The following COL5A3 variants were observed in gnomAD, a reference collection of about 807,000 sequenced individuals.
The protein encoded by COL5A3 is collagen type V alpha 3 chain.
COL5A3 carries 172 observed loss-of-function variants against 250.0 expected under a neutral mutation model. The observed-to-expected ratio is 0.69, with a 90% CI of 0.61 to 0.78. The LOEUF (loss-of-function observed/expected upper bound fraction) is 0.78. COL5A3 is among the 30% of genes least tolerant of loss of function. COL5A3 has a pLI of 0.00. For missense variants in COL5A3, 2,340 were observed against 2,334.4 expected (o/e 1.00, Z -0.05); for synonymous variants, 937 against 900.4 (o/e 1.04, Z -0.73).
chr19:10,001,737 TG>T (rs1300462033), intron 7 of COL5A3, 30 bp downstream of exon 7: 1 of 1,612,042 alleles, frequency 6.2e-7, no homozygotes. Context: ...CCGTAACCCT[TG>T]GGGTCTCCCC....
intron 11 of COL5A3, 112 bp downstream of exon 11, chr19:9,997,259 C>T: frequency 1.2e-6 from 1 of 808,686 alleles, no homozygotes; most frequent in Non-Finnish European, 2.1e-6. Flanking sequence ...AGTGCCAGCC[C>T]CGGGATGGTG....
intron 45 of COL5A3, 141 bp downstream of exon 45, chr19:9,976,417 T>C: frequency 3.4e-6 from 2 of 582,316 alleles, no homozygotes; most frequent in Non-Finnish European, 5.8e-6. Context: ...TGGATTGAGT[T>C]CACATTGGGT....
At chr19:9,961,847 T>G (rs937129608) in intron 65 of COL5A3, among the ~76,000 whole-genome samples, 18 of 151,924 alleles carry the variant, frequency 1.2e-4, no homozygotes, top group South Asian at 2.1e-4. Flanking sequence ...CGTGAGCCAC[T>G]GTGCCTGGCC....
intron 50 of COL5A3, 81 bp downstream of exon 50, chr19:9,973,489 A>T: frequency 7.1e-7 from 1 of 1,414,754 alleles, no homozygotes; most frequent in Non-Finnish European, 9.7e-7. Context: ...TGCACTGTCC[A>T]GAGGTCAAAG....
rs768598683 is a variant in COL5A3 at position 9,968,418 on chromosome 19, G to A, written c.4281C>T (p.Gly1427=). The A allele has an allele frequency of 8.2e-6, 13 of 1,591,628 alleles. No individual in the cohort carries two copies. Among genetic ancestry groups the A allele is most frequent in the South Asian group, 4.6e-5 (4 of 87,302 alleles). The part of the protein sequence containing the change: ...AGEKGDQGLP[G]VQGPPGPKGD... ...CCTTGGGACCAGGGGGTCCCTGCAC[G>A]CCTGGCAACCCCTGATCTCCTTTCT... Residue 1427 remains glycine (G), a synonymous_variant, in exon 59 of 67, where the codon GGC becomes GGT. Transcript: ENST00000264828. The surrounding 1 kb of genome is among the most constrained non-coding windows in gnomAD (Gnocchi z 4.1).
chr19:9,960,453 T>C lies in COL5A3; in HGVS notation c.5196A>G (p.Gln1732=). ...VAATDFGQTN[Q]KFGFELGPVC... is the part of the protein sequence containing the mutation. ...CGGGGCCCAGTTCAAACCCAAACTT[T>C]TGGTTCGTCTGGCCAAAGTCAGTGG... The change falls in exon 67 of 67, where the codon CAA becomes CAG. Residue 1732 remains glutamine (Q), a synonymous_variant. Transcript: ENST00000264828. 3 of 1,614,178 alleles carry C rather than the reference T, an allele frequency of 1.9e-6. No individual in the cohort carries two copies. The highest frequency in any genetic ancestry group is 2.5e-6 in the Non-Finnish European group (3 of 1,180,038).
At chr19:9,996,376 G>A (rs376914888) in intron 13 of COL5A3, 57 bp downstream of exon 13, 48 of 1,589,386 alleles carry the variant, frequency 3.0e-5, no homozygotes, top group African/African-American at 1.2e-4. Context: ...CCCTCCTTAC[G>A]CCGAGGCTCT....
chr19:9,970,284 GGTTGA>G (rs2086818329), intron 54 of COL5A3, among the ~76,000 whole-genome samples: 1 of 124,358 alleles, frequency 8.0e-6, no homozygotes. Context: ...TGGGGTCTGT[GGTTGA>G]CTGAGGTCTG....
In COL5A3 at chr19:9,968,124, T is replaced by C; in HGVS notation, c.4315-45A>G. ...TCAGTATTGGTGGGGTACACCCTAT[T>C]GCCCTGACACATCCCCCAGACAAGC... On this transcript the variant is annotated intron_variant, in intron 59 of 66. Coordinates refer to ENST00000264828, the MANE Select transcript of COL5A3 (RefSeq NM_015719.4). This position sits in a 1 kb window ranked among gnomAD's most constrained non-coding sequence, Gnocchi z 4.1. The C allele has an allele frequency of 6.5e-7, 1 of 1,532,688 alleles. No homozygotes were observed. The highest frequency in any genetic ancestry group is 2.3e-5 in the East Asian group (1 of 43,762). 94.9% of individuals were successfully genotyped at this position (1,532,688 alleles called of 1,614,324 possible).
At chr19:10,007,347 C>A (rs1367992454) in intron 1 of COL5A3, among the ~76,000 whole-genome samples, 1 of 152,170 alleles carries the variant, frequency 6.6e-6, no homozygotes, top group Non-Finnish European at 1.5e-5. Context: ...TCCTTCTGAC[C>A]AGCTGTCTCC....
At chr19:10,008,445 T>TGGGG (rs113147580) in intron 1 of COL5A3, among the ~76,000 whole-genome samples, 2 of 148,384 alleles carry the variant, frequency 1.3e-5, no homozygotes, top group Non-Finnish European at 1.5e-5. Context: ...GGACAAGGGG[T>TGGGG]GGGGGGGTCT....
At chr19:9,966,112 A>T (rs1234938086) in intron 64 of COL5A3, among the ~76,000 whole-genome samples, 1 of 152,226 alleles carries the variant, frequency 6.6e-6, no homozygotes, top group Non-Finnish European at 1.5e-5. Context: ...GATTATAGGC[A>T]TGTGCCACCA....
intron 61 of COL5A3, 95 bp from the exon 62 acceptor site, chr19:9,967,495 TCACA>T (rs3074540): frequency 0.18 from 138,021 of 772,960 alleles, 14,075 homozygotes; most frequent in East Asian, 0.24. Context: ...ACACACACAC[TCACA>T]CACACACAGT....
intron 65 of COL5A3, among the ~76,000 whole-genome samples, chr19:9,962,197 C>T (rs1236635041): frequency 2.0e-5 from 3 of 151,954 alleles, no homozygotes; most frequent in Non-Finnish European, 4.4e-5. Context: ...ACCTCTTCCT[C>T]CAGGGCTCAA....
chr19:9,983,851 A>G (rs2087056833), intron 31 of COL5A3, among the ~76,000 whole-genome samples: 3 of 138,162 alleles, frequency 2.2e-5, no homozygotes, highest in African/African-American at 8.7e-5. Context: ...CAATCGTTAA[A>G]AAGAAAAAAA....
At chr19:9,970,697 G>T in intron 53 of COL5A3, 22 bp from the exon 54 acceptor site, 1 of 1,417,156 alleles carries the variant, frequency 7.1e-7, no homozygotes, top group Non-Finnish European at 9.2e-7. Context: ...AAGGACACCA[G>T]CTGTGGTCTC....
rs34667697 is a variant in COL5A3 at position 9,986,767 on chromosome 19, T to TA, written c.2146-10dup. The TA allele has an allele frequency of 0.025, 35,394 of 1,440,732 alleles. 3 individuals are homozygous for TA. The highest frequency in any genetic ancestry group is 0.044 in the African/African-American group (3,057 of 68,894). The allele number at this position is 1,440,732 out of a possible 1,614,324, so 89.2% of individuals were successfully genotyped here. A position where few individuals can be genotyped will look rare whatever the true frequency, so the allele number is the denominator to read the frequency against. On this transcript the variant is annotated splice_polypyrimidine_tract_variant and intron_variant, in intron 27 of 66. Transcript: ENST00000264828. ...CGGTTGCCTGAAGTGCCCTGGAAAA[T>TA]AAAAAAAAAAAGCTCTCAAGCCTCT...
Position 10,003,718 on chromosome 19 carries a change from G to A in COL5A3, c.700-4C>T, listed in dbSNP as rs1166630656. ...TTTCTGGTTCACCCTGGGGAGCCTG[G>A]GAGAAGGGTTCCAGTCAGGTCTAGA... On this transcript the variant is annotated splice_region_variant and splice_polypyrimidine_tract_variant and intron_variant, in intron 5 of 66. Coordinates refer to ENST00000264828, the MANE Select transcript of COL5A3 (RefSeq NM_015719.4). The A allele has an allele frequency of 1.2e-6, 2 of 1,614,008 alleles. No individual in the cohort carries two copies. The highest frequency in any genetic ancestry group is 1.7e-6 in the Non-Finnish European group (2 of 1,180,020).
At chr19:10,008,445 T>TTG (rs533739584) in intron 1 of COL5A3, among the ~76,000 whole-genome samples, 2 of 148,482 alleles carry the variant, frequency 1.3e-5, no homozygotes, top group South Asian at 4.3e-4. Flanking sequence ...GGACAAGGGG[T>TTG]GGGGGGGTCT....
Sources: allele counts gnomAD v4.1 joint callset (sites outside exome capture counted in the v4.1 genomes callset), GRCh38; gene constraint gnomAD v4.1.1; non-coding constraint Gnocchi (gnomAD v3.1); transcripts MANE v1.5; gene names NCBI Gene and HGNC (gene_info 2026-07-23, HGNC 2026-07-21).